The following DENND2B variants were observed in gnomAD, a reference collection of about 807,000 sequenced individuals.
The protein encoded by DENND2B is DENN domain-containing protein 2B.
A neutral mutation model predicts 116.0 loss-of-function variants in DENND2B; 32 were observed. The observed-to-expected ratio is 0.28, with a 90% CI of 0.21 to 0.37. The LOEUF is 0.37. Among genes scored for constraint, DENND2B ranks in the 10% least tolerant of loss-of-function variants. DENND2B has a pLI of 1.00. For missense variants in DENND2B, 1,276 were observed against 1,477.7 expected (o/e 0.86, Z 2.24); for synonymous variants, 588 against 583.9 (o/e 1.01, Z -0.10).
At chr11:8,837,696 C>T (rs2062484003) in intron 4 of DENND2B, among the ~76,000 whole-genome samples, 1 of 152,166 alleles carries the variant, frequency 6.6e-6, no homozygotes, top group South Asian at 2.1e-4. Context: ...AAATACCCTC[C>T]CCTTCCTTGC....
chr11:8,855,418 A>C (rs926984278), intron 3 of DENND2B, among the ~76,000 whole-genome samples: 1 of 150,648 alleles, frequency 6.6e-6, no homozygotes, highest in Admixed American at 6.6e-5. Flanking sequence ...ATTTAGCCTG[A>C]TGGATCATGA....
intron 1 of DENND2B, among the ~76,000 whole-genome samples, chr11:8,886,978 G>GCCAC: frequency 6.6e-6 from 1 of 152,088 alleles, no homozygotes; most frequent in Non-Finnish European, 1.5e-5. Context: ...ACAGGCATGT[G>GCCAC]CCACCACACC....
intron 3 of DENND2B, among the ~76,000 whole-genome samples, chr11:8,728,869 G>T (rs1386042249): frequency 6.6e-6 from 1 of 152,210 alleles, no homozygotes; most frequent in Non-Finnish European, 1.5e-5. Flanking sequence ...TGCACAGCAG[G>T]CTCTAGAAGA....
intron 4 of DENND2B, among the ~76,000 whole-genome samples, chr11:8,820,109 AC>A (rs2061707802): frequency 2.0e-5 from 3 of 152,368 alleles, no homozygotes; most frequent in African/African-American, 7.2e-5. Flanking sequence ...TAAAGTATTT[AC>A]CCTACACCCA....
upstream of DENND2B, among the ~76,000 whole-genome samples, chr11:8,873,939 A>G (rs2063817720): frequency 6.6e-6 from 1 of 152,206 alleles, no homozygotes; most frequent in Non-Finnish European, 1.5e-5. Flanking sequence ...CACAGCATAT[A>G]TTGAGAAATG....
intron 5 of DENND2B, 58 bp downstream of exon 5, chr11:8,717,681 AGC>A: frequency 1.4e-6 from 2 of 1,474,720 alleles, no homozygotes; most frequent in South Asian, 1.5e-5. Flanking sequence ...GTCTTGGAAG[AGC>A]AGGCCCCCAC....
At chr11:8,825,942 A>G (rs2061961781) in intron 4 of DENND2B, among the ~76,000 whole-genome samples, 1 of 152,202 alleles carries the variant, frequency 6.6e-6, no homozygotes. Context: ...TCCAGGGGAC[A>G]TATATTATAT....
intron 11 of DENND2B, among the ~76,000 whole-genome samples, chr11:8,710,503 G>A (rs1216680766): frequency 6.6e-6 from 1 of 151,938 alleles, no homozygotes. Flanking sequence ...TGCAACCAGA[G>A]ACCAGCAATC....
intron 2 of DENND2B, among the ~76,000 whole-genome samples, chr11:8,880,255 A>T (rs1220862341): frequency 6.6e-6 from 1 of 152,000 alleles, no homozygotes; most frequent in Non-Finnish European, 1.5e-5. Flanking sequence ...CTCATCAGTC[A>T]ACTTTCAACT....
intron 4 of DENND2B, among the ~76,000 whole-genome samples, chr11:8,720,931 G>A (rs1813295009): frequency 6.6e-6 from 1 of 152,076 alleles, no homozygotes; most frequent in South Asian, 2.1e-4. Flanking sequence ...ATTCAGCAGG[G>A]GCATGAATGG....
intron 3 of DENND2B, among the ~76,000 whole-genome samples, chr11:8,848,937 G>A (rs572848877): frequency 2.4e-4 from 36 of 151,420 alleles, no homozygotes; most frequent in African/African-American, 8.7e-4. Context: ...GGTTTATCCA[G>A]GGAAATATCC....
At chr11:8,890,257 A>G (rs915863876) in intron 1 of DENND2B, among the ~76,000 whole-genome samples, 1 of 152,226 alleles carries the variant, frequency 6.6e-6, no homozygotes, top group Non-Finnish European at 1.5e-5. Flanking sequence ...ACCATCATCA[A>G]AGACCAAAGG....
Position 8,701,344 on chromosome 11 carries a change from CGGGGGGGGGG to C in DENND2B, c.2720+1218_2720+1227del, listed in dbSNP as rs1208792727. On this transcript the variant is annotated intron_variant, in intron 14 of 19. Transcript: ENST00000313726. ...AGGCTAGGATGGGAAGGCCAGCTTC[CGGGGGGGGGG>C]GGGGGAGGGGCTACATGAATGACAT... 3.6e-4 allele frequency among the ~76,000 whole-genome samples: 4 copies of C among 11,238 alleles called. 1 individual carries two copies. In the Admixed American group the frequency reaches 4.1e-3, roughly 11 times the overall value. 7.4% of individuals were successfully genotyped at this position (11,238 alleles called of 152,430 possible).
chr11:8,781,982 C>T (rs1357124387), intron 1 of DENND2B, among the ~76,000 whole-genome samples: 1 of 152,094 alleles, frequency 6.6e-6, no homozygotes, highest in African/African-American at 2.4e-5. Context: ...TGGTGGTAAA[C>T]ACATAACAAC....
At chr11:8,818,501 G>C (rs2061655394) in intron 4 of DENND2B, among the ~76,000 whole-genome samples, 1 of 152,062 alleles carries the variant, frequency 6.6e-6, no homozygotes, top group Non-Finnish European at 1.5e-5. Context: ...AGTAAGATCT[G>C]GGCAAGGCTG....
At chr11:8,826,010 A>G (rs2061964955) in intron 4 of DENND2B, among the ~76,000 whole-genome samples, 1 of 152,188 alleles carries the variant, frequency 6.6e-6, no homozygotes, top group African/African-American at 2.4e-5. Context: ...ATATTGAAAG[A>G]AAAAAAGGAA....
In DENND2B at chr11:8,895,228, A is replaced by T. The variant is rs529808347; in HGVS notation, c.-255-14119T>A. Among the ~76,000 whole-genome samples the T allele has an allele frequency of 3.3e-5, 5 of 152,142 alleles. No individual in the cohort carries two copies. In the South Asian group the frequency reaches 6.2e-4, roughly 19 times the overall value. On this transcript the variant is annotated intron_variant, in intron 1 of 22. Transcript: ENST00000534127. ...AACACTTGGACACAGGAAGGGGAAC[A>T]TCACACACCAGGGCCTGTTGTGGGG...
intron 1 of DENND2B, among the ~76,000 whole-genome samples, chr11:8,781,516 T>C (rs879736438): frequency 6.6e-6 from 1 of 152,136 alleles, no homozygotes; most frequent in African/African-American, 2.4e-5. Flanking sequence ...ATGATAAAAC[T>C]ATTCCCAGAG....
chr11:8,806,638 A>ACACACACACC (rs1017645452), intron 1 of DENND2B, among the ~76,000 whole-genome samples: 18 of 151,016 alleles, frequency 1.2e-4, no homozygotes, highest in South Asian at 6.3e-4. Flanking sequence ...ACACACACAC[A>ACACACACACC]CCCAGGAGAG....
Sources: gnomAD v4.1 joint callset for allele counts (sites outside exome capture counted in the v4.1 genomes callset) on GRCh38, gnomAD v4.1.1 for gene constraint, MANE v1.5 for transcripts, NCBI Gene and HGNC (gene_info 2026-07-23, HGNC 2026-07-21) for gene names.